The following VASH2 variants were observed in gnomAD, a reference collection of about 807,000 sequenced individuals.
VASH2 encodes vasohibin 2.
A neutral mutation model predicts 37.2 loss-of-function variants in VASH2; 28 were observed. That is an observed-to-expected ratio of 0.75 (90% CI 0.56 to 1.03). VASH2 has a LOEUF of 1.03. VASH2 is among the 50% of genes least tolerant of loss of function. The pLI is 0.00. For synonymous variants in VASH2, 188 were observed against 174.7 expected, an observed-to-expected ratio of 1.08 and a Z score of -0.60; for missense variants, 419 against 459.1, an observed-to-expected ratio of 0.91 and a Z score of 0.80.
intron 7 of VASH2, among the ~76,000 whole-genome samples, chr1:212,978,726 G>T (rs964419142): frequency 6.6e-6 from 1 of 152,122 alleles, no homozygotes; most frequent in African/African-American, 2.4e-5. Context: ...AACTAGGGCC[G>T]AGTGGCCTTG....
At chr1:212,958,875 G>A (rs1019860686) in intron 2 of VASH2, among the ~76,000 whole-genome samples, 8 of 151,732 alleles carry the variant, frequency 5.3e-5, no homozygotes, top group African/African-American at 1.9e-4. Flanking sequence ...CACCATGCTC[G>A]GCTAATTTTC....
intron 7 of VASH2, chr1:212,974,917 T>G (rs1667125004): frequency 6.6e-6 from 1 of 152,068 alleles, no homozygotes; most frequent in African/African-American, 2.4e-5. Context: ...CATAAAAGAG[T>G]ATCAAATGCT....
At chr1:212,987,588 A>G in intron 7 of VASH2, among the ~76,000 whole-genome samples, 1 of 152,322 alleles carries the variant, frequency 6.6e-6, no homozygotes, top group Admixed American at 6.5e-5. Flanking sequence ...AACAAAAACA[A>G]AAACAAAACA....
chr1:212,969,988 A>G (rs1666962394), intron 5 of VASH2, among the ~76,000 whole-genome samples: 1 of 152,038 alleles, frequency 6.6e-6, no homozygotes, highest in Non-Finnish European at 1.5e-5. Context: ...CATGCTGGAG[A>G]GGTAGATCTT....
At chr1:212,982,793 G>A (rs1179765146) in intron 7 of VASH2, among the ~76,000 whole-genome samples, 1 of 152,132 alleles carries the variant, frequency 6.6e-6, no homozygotes, top group Non-Finnish European at 1.5e-5. Context: ...TCTTCTCCTG[G>A]GTTCTGGGTA....
intron 6 of VASH2, chr1:212,973,370 C>G: frequency 7.8e-7 from 1 of 1,287,978 alleles, no homozygotes; most frequent in Non-Finnish European, 1.0e-6. Flanking sequence ...CCTCTTCTCT[C>G]TCTCAGTTTT....
At chr1:212,955,869 C>G (rs1666474209) in intron 2 of VASH2, among the ~76,000 whole-genome samples, 1 of 152,168 alleles carries the variant, frequency 6.6e-6, no homozygotes, top group African/African-American at 2.4e-5. Context: ...AACCTTCCGT[C>G]TGTCTGTCTG....
intron 7 of VASH2, among the ~76,000 whole-genome samples, chr1:212,977,064 G>A (rs1011067855): frequency 6.6e-6 from 1 of 152,118 alleles, no homozygotes; most frequent in Admixed American, 6.6e-5. Flanking sequence ...GGAAAGTAGT[G>A]GGGGAAGGAG....
At chr1:212,958,725 T>C (rs923251808) in intron 2 of VASH2, among the ~76,000 whole-genome samples, 1 of 152,108 alleles carries the variant, frequency 6.6e-6, no homozygotes, top group African/African-American at 2.4e-5. Flanking sequence ...TTATGTCTTT[T>C]TTTTTTGAGA....
chr1:212,988,422 A>C, intron 7 of VASH2, 90 bp from the exon 8 acceptor site: 1 of 1,335,222 alleles, frequency 7.5e-7, no homozygotes, highest in Middle Eastern at 1.8e-4. Flanking sequence ...CAGAAGGATT[A>C]GGAAAACCGA....
Position 212,951,536 on chromosome 1 carries a change from C to T in VASH2, c.-7C>T, listed in dbSNP as rs1291435523. 2 of 1,491,264 alleles carry T rather than the reference C, an allele frequency of 1.3e-6. No homozygotes were observed. The highest frequency in any genetic ancestry group is 1.8e-6 in the Non-Finnish European group (2 of 1,120,112). The allele number at this position is 1,491,264 out of a possible 1,614,324, so 92.4% of individuals were successfully genotyped here. ...CCCAGTACCTCGCTCCCCGCCCAGG[C>T]CCCACCATGACCGGCTCCGCGGCCG... On this transcript the variant is annotated 5_prime_UTR_variant, in exon 2 of 8. Coordinates refer to ENST00000517399, the MANE Select transcript of VASH2 (RefSeq NM_001301056.2). This position sits in a 1 kb window ranked among gnomAD's most constrained non-coding sequence, Gnocchi z 4.4.
At chr1:212,988,441 C>A in intron 7 of VASH2, 71 bp from the exon 8 acceptor site, 1 of 1,502,618 alleles carries the variant, frequency 6.7e-7, no homozygotes, top group South Asian at 1.1e-5. Flanking sequence ...GAGTAGAGGA[C>A]CTTGAAAATG....
At chr1:212,980,840 G>A (rs1015398243) in intron 7 of VASH2, among the ~76,000 whole-genome samples, 3 of 152,316 alleles carry the variant, frequency 2.0e-5, no homozygotes, top group African/African-American at 7.2e-5. Flanking sequence ...CACTAGGAAG[G>A]CTACGAAGGG....
chr1:212,954,427 A>AGATGGAG (rs1666419508), intron 2 of VASH2, among the ~76,000 whole-genome samples: 1 of 151,524 alleles, frequency 6.6e-6, no homozygotes, highest in Non-Finnish European at 1.5e-5. Flanking sequence ...AGAAAGTGTT[A>AGATGGAG]CCTTTTCTTT....
At chr1:212,953,768 C>T (rs1050096960) in intron 2 of VASH2, among the ~76,000 whole-genome samples, 1 of 152,114 alleles carries the variant, frequency 6.6e-6, no homozygotes, top group Non-Finnish European at 1.5e-5. Flanking sequence ...CGTGAGTCTC[C>T]AGGTCACTAA....
At chr1:212,983,975 TCTC>T (rs1306928445) in intron 7 of VASH2, among the ~76,000 whole-genome samples, 1 of 152,176 alleles carries the variant, frequency 6.6e-6, no homozygotes, top group Non-Finnish European at 1.5e-5. Context: ...ACCTCCATTA[TCTC>T]CTCTATAAAA....
intron 4 of VASH2, chr1:212,965,985 T>G: frequency 1.6e-6 from 1 of 609,940 alleles, no homozygotes; most frequent in African/African-American, 1.8e-5. Flanking sequence ...AATTCTAGCT[T>G]CCAGGGTGGA....
intron 5 of VASH2, 116 bp from the exon 6 acceptor site, chr1:212,972,464 C>T: frequency 7.8e-7 from 1 of 1,282,924 alleles, no homozygotes; most frequent in Non-Finnish European, 1.1e-6. Context: ...TAGATGTGGG[C>T]CTGCTCAGAG....
rs2075821929 is a variant in VASH2, at chr1:212,988,554, G to A, written c.1038G>A (p.Leu346=). ...PEKKVADLST[L]NEVGYQIRI ...AGAAGGTGGCTGATCTGAGCACTCT[G>A]AATGAAGTGGGCTATCAAATCCGAA... Residue 346 remains leucine (L), a synonymous_variant, in exon 8 of 8, where the codon CTG becomes CTA. Transcript: ENST00000517399. 6.2e-7 allele frequency: 1 copy of A among 1,614,056 alleles called. No individual in the cohort carries two copies. The highest frequency in any genetic ancestry group is 8.5e-7 in the Non-Finnish European group (1 of 1,180,024).
Sources: gnomAD v4.1 joint callset for allele counts (sites outside exome capture counted in the v4.1 genomes callset) on GRCh38, gnomAD v4.1.1 for gene constraint, Gnocchi (gnomAD v3.1) non-coding constraint, MANE v1.5 for transcripts, NCBI Gene and HGNC (gene_info 2026-07-23, HGNC 2026-07-21) for gene names.